Variants in SNTG2 observed in about 807,000 individuals in gnomAD.
SNTG2 encodes the protein gamma-2-syntrophin.
A neutral mutation model predicts 70.9 loss-of-function variants in SNTG2; 74 were observed. The observed-to-expected ratio is 1.04, with a 90% CI of 0.86 to 1.27. The LOEUF (loss-of-function observed/expected upper bound fraction) is 1.27. SNTG2 is among the 50% of genes most tolerant of loss of function. The pLI is 0.00. For missense variants in SNTG2, 717 were observed against 690.7 expected, an observed-to-expected ratio of 1.04 and a Z score of -0.43; for synonymous variants, 278 against 273.8, an observed-to-expected ratio of 1.02 and a Z score of -0.15.
intron 12 of SNTG2, among the ~76,000 whole-genome samples, chr2:1,257,356 G>C (rs927160809): frequency 6.6e-6 from 1 of 152,126 alleles, no homozygotes; most frequent in Non-Finnish European, 1.5e-5. Context: ...CCTGGGCTGT[G>C]GGCAAGGTCA....
intron 8 of SNTG2, among the ~76,000 whole-genome samples, chr2:1,185,504 T>G (rs1672191326): frequency 6.6e-6 from 1 of 152,222 alleles, no homozygotes; most frequent in Admixed American, 6.5e-5. Flanking sequence ...TCCAGGAATT[T>G]CCATACATCC....
chr2:1,044,201 C>T (rs1661599906), intron 1 of SNTG2, among the ~76,000 whole-genome samples: 2 of 151,824 alleles, frequency 1.3e-5, no homozygotes, highest in Admixed American at 1.3e-4. Flanking sequence ...ATTTGGCTCT[C>T]AGCTTGGACA....
intron 9 of SNTG2, among the ~76,000 whole-genome samples, chr2:1,220,469 T>G (rs1674680245): frequency 6.6e-6 from 1 of 152,204 alleles, no homozygotes; most frequent in African/African-American, 2.4e-5. Context: ...CTGCTGCTGC[T>G]CTGCCTTGTT....
chr2:993,070 C>CT (rs59134628), intron 1 of SNTG2, among the ~76,000 whole-genome samples: 53,525 of 139,712 alleles, frequency 0.38, 10,711 homozygotes, highest in African/African-American at 0.49. Flanking sequence ...TTTGTGGGTT[C>CT]TTTTTTTTTT....
chr2:1,195,188 G>A (rs1558516423), intron 8 of SNTG2, among the ~76,000 whole-genome samples: 1 of 152,130 alleles, frequency 6.6e-6, no homozygotes, highest in Non-Finnish European at 1.5e-5. Flanking sequence ...CAATAAACAT[G>A]TGTGTGCATG....
rs1451358059 is a variant in SNTG2, at chr2:1,353,093, G to GGAAAAC, written c.1489-14249_1489-14244dup. ...CCAGAAATCCACATGGTGCATTTTC[G>GGAAAAC]GAAAACTTTCCAGCCATTATGCAAA... On this transcript the variant is annotated intron_variant, in intron 16 of 16. Coordinates refer to ENST00000308624, the MANE Select transcript of SNTG2 (RefSeq NM_018968.4). This position sits in a 1 kb window ranked among gnomAD's most constrained non-coding sequence, Gnocchi z 4.2. Among the ~76,000 whole-genome samples the GGAAAAC allele has an allele frequency of 1.8e-4, 27 of 152,030 alleles. No homozygotes were observed. Among genetic ancestry groups the GGAAAAC allele is most frequent in the African/African-American group, 6.0e-4 (25 of 41,382 alleles).
chr2:966,407 T>C (rs1660571323), intron 1 of SNTG2, among the ~76,000 whole-genome samples: 1 of 152,200 alleles, frequency 6.6e-6, no homozygotes, highest in South Asian at 2.1e-4. Context: ...TATTTTCTTG[T>C]GTTTTGGATA....
intron 16 of SNTG2, among the ~76,000 whole-genome samples, chr2:1,334,766 C>G (rs1659714231): frequency 6.6e-6 from 1 of 152,010 alleles, no homozygotes. Flanking sequence ...ACAAATGATA[C>G]AATGGGCTTT....
chr2:1,204,336 TGCAAAGC>T lies in SNTG2; in HGVS notation c.592-4766_592-4760del, dbSNP rs567246313. On this transcript the variant is annotated intron_variant, in intron 8 of 16. Coordinates refer to ENST00000308624, the MANE Select transcript of SNTG2 (RefSeq NM_018968.4). ...ACAGTTCAGTTACAAACAAAAAAAGTGCAAAGCTTTTCAGTGATTCACTGTAGAAAAT... is the reference window on the plus strand; with the variant it reads ...ACAGTTCAGTTACAAACAAAAAAAGTTTTTCAGTGATTCACTGTAGAAAAT... 7.4e-3 allele frequency among the ~76,000 whole-genome samples: 1,133 copies of T among 152,320 alleles called. 8 individuals carry two copies. The highest frequency in any genetic ancestry group is 0.013 in the Non-Finnish European group (876 of 68,020).
intron 1 of SNTG2, among the ~76,000 whole-genome samples, chr2:1,070,676 G>A (rs1663473199): frequency 6.6e-6 from 1 of 152,114 alleles, no homozygotes; most frequent in Non-Finnish European, 1.5e-5. Context: ...AATCTATCTT[G>A]CCTCACAATA....
At chr2:953,611 T>C (rs1028776538) in intron 1 of SNTG2, among the ~76,000 whole-genome samples, 2 of 152,262 alleles carry the variant, frequency 1.3e-5, no homozygotes, top group African/African-American at 4.8e-5. Flanking sequence ...GACTCATCTT[T>C]AATTTCAACT....
intron 14 of SNTG2, among the ~76,000 whole-genome samples, chr2:1,271,975 G>A (rs1022599701): frequency 6.6e-6 from 1 of 152,042 alleles, no homozygotes. Context: ...TGGCTTCTGT[G>A]AACCAACATC....
chr2:1,068,702 T>C (rs1663319313), intron 1 of SNTG2, among the ~76,000 whole-genome samples: 1 of 152,208 alleles, frequency 6.6e-6, no homozygotes, highest in Non-Finnish European at 1.5e-5. Context: ...TCATCTTAAA[T>C]TTGTATGCTG....
chr2:1,079,111 A>C (rs1474979468), intron 1 of SNTG2, among the ~76,000 whole-genome samples: 4 of 152,272 alleles, frequency 2.6e-5, no homozygotes, highest in African/African-American at 4.8e-5. Context: ...TCACTTAAGC[A>C]GTGGGAAATG....
At chr2:1,146,010 A>G (rs1472071054) in intron 6 of SNTG2, among the ~76,000 whole-genome samples, 1 of 152,198 alleles carries the variant, frequency 6.6e-6, no homozygotes, top group African/African-American at 2.4e-5. Context: ...TCCATTTATG[A>G]TATAAACTCT....
At chr2:953,623 T>C (rs1660050203) in intron 1 of SNTG2, among the ~76,000 whole-genome samples, 1 of 152,236 alleles carries the variant, frequency 6.6e-6, no homozygotes, top group Non-Finnish European at 1.5e-5. Context: ...ATTTCAACTG[T>C]AGAATTTCTA....
chr2:1,091,489 A>T (rs1387643376), intron 2 of SNTG2, among the ~76,000 whole-genome samples: 1 of 152,180 alleles, frequency 6.6e-6, no homozygotes, highest in Non-Finnish European at 1.5e-5. Context: ...GCCAGGACGC[A>T]AACATCATAA....
At chr2:985,266 A>G (rs1344219865) in intron 1 of SNTG2, among the ~76,000 whole-genome samples, 2 of 152,170 alleles carry the variant, frequency 1.3e-5, no homozygotes, top group African/African-American at 4.8e-5. Context: ...ATGTGCCTGC[A>G]GCCATTAAAC....
intron 8 of SNTG2, among the ~76,000 whole-genome samples, chr2:1,201,449 T>C (rs1673270703): frequency 6.6e-6 from 1 of 151,794 alleles, no homozygotes; most frequent in Non-Finnish European, 1.5e-5. Context: ...TACAATTAGA[T>C]AGAAGGGATA....
Sources: gnomAD v4.1 joint callset for allele counts (sites outside exome capture counted in the v4.1 genomes callset) on GRCh38, gnomAD v4.1.1 for gene constraint, Gnocchi (gnomAD v3.1) non-coding constraint, MANE v1.5 for transcripts, NCBI Gene and HGNC (gene_info 2026-07-23, HGNC 2026-07-21) for gene names.